Variants in GCNT2 observed in about 807,000 individuals in gnomAD.
The protein encoded by GCNT2 is glucosaminyl (N-acetyl) transferase 2 (I blood group).
Under a neutral mutation model 34.2 loss-of-function variants are expected in GCNT2, and 34 were observed. The ratio of observed to expected loss-of-function variants is 1.00; its 90% CI spans 0.76 to 1.32. The LOEUF (loss-of-function observed/expected upper bound fraction) is 1.32, where lower values mean the gene tolerates loss of function less well. Ranked by LOEUF, GCNT2 falls within the 40% of genes most tolerant of loss-of-function variation. The pLI, the probability that GCNT2 is intolerant of heterozygous loss-of-function variation, is 0.00. For missense variants in GCNT2, 584 were observed against 489.4 expected (o/e 1.19, Z -1.82); for synonymous variants, 212 against 188.0 (o/e 1.13, Z -1.04).
At chr6:10,528,007 G>C (rs1181226591) in intron 2 of GCNT2, among the ~76,000 whole-genome samples, 3 of 152,142 alleles carry the variant, frequency 2.0e-5, no homozygotes, top group Admixed American at 2.0e-4. Context: ...ATGCGGACCA[G>C]GGCAAAATAA....
At chr6:10,580,788 G>C (rs954833376) in intron 3 of GCNT2, among the ~76,000 whole-genome samples, 11 of 152,144 alleles carry the variant, frequency 7.2e-5, no homozygotes, top group Non-Finnish European at 1.3e-4. Flanking sequence ...AGATTAATGA[G>C]AACTAACTCA....
At chr6:10,591,438 G>T (rs1216875486) in intron 3 of GCNT2, among the ~76,000 whole-genome samples, 1 of 152,192 alleles carries the variant, frequency 6.6e-6, no homozygotes, top group Non-Finnish European at 1.5e-5. Context: ...GTAAATATGA[G>T]AGAGTCCTGA....
chr6:10,589,331 GTAGTGTGTGTGTAGTGTGTGGTGTGTTTC>G (rs1233511158), intron 3 of GCNT2, among the ~76,000 whole-genome samples: 2 of 121,634 alleles, frequency 1.6e-5, no homozygotes, highest in Non-Finnish European at 4.0e-5. Flanking sequence ...TGGTGTGTTT[GTAGTGTGTGTGTAGTGTGTGGTGTGTTTC>G]TAGTGTGTGT....
intron 3 of GCNT2, chr6:10,556,789 C>T (rs1424166828): frequency 6.2e-7 from 1 of 1,614,038 alleles, no homozygotes; most frequent in African/African-American, 1.3e-5. Context: ...AAAATATCTA[C>T]TGTGTTCATG....
rs1007615401 is a variant in GCNT2, at chr6:10,529,889, A to T, written c.925+53A>T. ...TACGAATAAACACTGCATGGTCAAT[A>T]CTAAATAAGTTGCTTTGAAAAGAGT... On this transcript the variant is annotated intron_variant, in intron 3 of 4. Transcript: ENST00000495262. 8.1e-6 allele frequency: 11 copies of T among 1,357,282 alleles called. No homozygotes were observed. In the Admixed American group the frequency reaches 1.7e-4, roughly 21 times the overall value. 84.1% of individuals were successfully genotyped at this position (1,357,282 alleles called of 1,614,324 possible).
At position 10,617,539 on chromosome 6, in the gene GCNT2, G is replaced by T. The variant is rs183508214; in HGVS notation, c.926-3812G>T. Among the ~76,000 whole-genome samples, 5 of 152,322 alleles carry T rather than the reference G, an allele frequency of 3.3e-5. No homozygotes were observed. The East Asian group carries it at 9.7e-4, about 29-fold the overall frequency. ...CCAAGGCCGAGGAGGTGCCGAGAGCGAGCGAGGGCTGCTAGCATGCTGTCA... is the reference window on the plus strand; with the variant it reads ...CCAAGGCCGAGGAGGTGCCGAGAGCTAGCGAGGGCTGCTAGCATGCTGTCA... On this transcript the variant is annotated intron_variant, in intron 3 of 4. Coordinates refer to ENST00000495262, the MANE Select transcript of GCNT2 (RefSeq NM_145649.5).
At chr6:10,558,767 G>A (rs975747812) in intron 3 of GCNT2, among the ~76,000 whole-genome samples, 8 of 152,216 alleles carry the variant, frequency 5.3e-5, no homozygotes, top group Admixed American at 2.6e-4. Flanking sequence ...ACCATGCCTG[G>A]TGTTTGAATC....
At chr6:10,570,364 C>T (rs914315063) in intron 3 of GCNT2, among the ~76,000 whole-genome samples, 3 of 152,196 alleles carry the variant, frequency 2.0e-5, no homozygotes, top group Admixed American at 6.5e-5. Context: ...GTTGGGCTTT[C>T]GAAACTTTGC....
intron 4 of GCNT2, among the ~76,000 whole-genome samples, chr6:10,623,848 C>G (rs1766150006): frequency 3.3e-5 from 5 of 152,182 alleles, no homozygotes; most frequent in Admixed American, 3.3e-4. Flanking sequence ...ACATTTCAAG[C>G]TTTTTCCTTC....
At chr6:10,545,312 C>T (rs1350893625) in intron 3 of GCNT2, among the ~76,000 whole-genome samples, 1 of 152,082 alleles carries the variant, frequency 6.6e-6, no homozygotes, top group East Asian at 1.9e-4. Context: ...TGTGGGTGCT[C>T]ATTGGTCTGC....
At chr6:10,622,054 G>A (rs1003076345) in intron 4 of GCNT2, among the ~76,000 whole-genome samples, 1 of 152,186 alleles carries the variant, frequency 6.6e-6, no homozygotes, top group Non-Finnish European at 1.5e-5. Context: ...AGCCTTCCCA[G>A]TGGCTTGGAG....
At chr6:10,614,648 GAAAA>G (rs1456201515) in intron 3 of GCNT2, among the ~76,000 whole-genome samples, 35 of 134,820 alleles carry the variant, frequency 2.6e-4, no homozygotes, top group African/African-American at 1.0e-3. Flanking sequence ...AAAAAAAAGA[GAAAA>G]AGAAGAAAGG....
intron 3 of GCNT2, among the ~76,000 whole-genome samples, chr6:10,572,773 A>T (rs1363282237): frequency 6.6e-6 from 1 of 152,164 alleles, no homozygotes; most frequent in African/African-American, 2.4e-5. Context: ...AAAAGGATAG[A>T]TGGCTAAATA....
At chr6:10,616,115 G>A (rs768499292) in intron 3 of GCNT2, among the ~76,000 whole-genome samples, 16 of 150,594 alleles carry the variant, frequency 1.1e-4, no homozygotes, top group Non-Finnish European at 1.8e-4. Flanking sequence ...TGTGTTCAGA[G>A]TTTTTTCCTT....
chr6:10,559,614 G>A (rs1762881302), intron 3 of GCNT2, among the ~76,000 whole-genome samples: 1 of 152,238 alleles, frequency 6.6e-6, no homozygotes, highest in Admixed American at 6.5e-5. Flanking sequence ...AAGGCAGAAG[G>A]GCTGGTGAGC....
At chr6:10,617,002 G>A (rs1349614023) in intron 3 of GCNT2, among the ~76,000 whole-genome samples, 1 of 117,020 alleles carries the variant, frequency 8.5e-6, no homozygotes, top group Non-Finnish European at 1.7e-5. Context: ...TTTACCCAGT[G>A]GATCCCGCAC....
chr6:10,561,382 G>A lies in GCNT2; in HGVS notation c.925+31546G>A, dbSNP rs372109169. On this transcript the variant is annotated intron_variant, in intron 3 of 4. Coordinates refer to ENST00000495262, the MANE Select transcript of GCNT2 (RefSeq NM_145649.5). The stretch of plus-strand genomic sequence containing the variant: ...TCTCCGTGTTGGTCAGGCTGGTCTC[G>A]AACTCCCGACCTCAGCCGATATGCC... 3.5e-4 allele frequency among the ~76,000 whole-genome samples: 54 copies of A among 152,246 alleles called. No individual in the cohort carries two copies. In the South Asian group the frequency reaches 5.8e-3, roughly 16 times the overall value.
chr6:10,531,017 G>A (rs1581364080), intron 3 of GCNT2, among the ~76,000 whole-genome samples: 1 of 146,772 alleles, frequency 6.8e-6, no homozygotes, highest in South Asian at 2.1e-4. Context: ...TCACGTCATC[G>A]CACTCCAGCG....
At chr6:10,578,391 T>TAA (rs55708119) in intron 3 of GCNT2, among the ~76,000 whole-genome samples, 1,030 of 87,034 alleles carry the variant, frequency 0.012, 15 homozygotes, top group African/African-American at 0.039. Context: ...TGTCTAAAAG[T>TAA]AAAAAAAAAA....
Sources: gnomAD v4.1 joint callset for allele counts (sites outside exome capture counted in the v4.1 genomes callset) on GRCh38, gnomAD v4.1.1 for gene constraint, MANE v1.5 for transcripts, NCBI Gene and HGNC (gene_info 2026-07-23, HGNC 2026-07-21) for gene names.